PCCA: variants seen among roughly 807,000 people sequenced by gnomAD.
PCCA encodes the protein propionyl-CoA carboxylase alpha chain, mitochondrial.
In PCCA, 74 loss-of-function variants were observed where a neutral mutation model predicts 101.3. The observed-to-expected ratio is 0.73, with a 90% CI of 0.61 to 0.89. PCCA has a LOEUF of 0.89. PCCA is among the 40% of genes least tolerant of loss of function. The probability of loss-of-function intolerance (pLI) is 0.00; values close to 1 mark genes in which losing one functional copy is unlikely to be tolerated. For missense variants in PCCA, 891 were observed against 907.0 expected, an observed-to-expected ratio of 0.98 and a Z score of 0.23; for synonymous variants, 294 against 313.6, an observed-to-expected ratio of 0.94 and a Z score of 0.66.
chr13:100,142,509 C>A (rs2052005446), intron 4 of PCCA, among the ~76,000 whole-genome samples: 1 of 144,830 alleles, frequency 6.9e-6, no homozygotes. Flanking sequence ...GAGTCTTGCT[C>A]TGTCTCCCAG....
chr13:100,400,043 G>A (rs1240939699), intron 19 of PCCA, among the ~76,000 whole-genome samples: 2 of 152,202 alleles, frequency 1.3e-5, no homozygotes, highest in Admixed American at 1.3e-4. Flanking sequence ...AGTATTCATT[G>A]AATTTATGGA....
chr13:100,113,768 G>T (rs1406545845), intron 4 of PCCA, among the ~76,000 whole-genome samples: 1 of 151,654 alleles, frequency 6.6e-6, no homozygotes, highest in Admixed American at 6.6e-5. Context: ...TAGTAGAGAC[G>T]GGGTTTCACC....
chr13:100,445,227 C>A (rs892367148), intron 20 of PCCA, among the ~76,000 whole-genome samples: 4 of 152,138 alleles, frequency 2.6e-5, no homozygotes, highest in Non-Finnish European at 5.9e-5. Context: ...GGATCCTTCC[C>A]AATGATCCAC....
chr13:100,477,981 C>T (rs896182409), intron 21 of PCCA, among the ~76,000 whole-genome samples: 1 of 152,240 alleles, frequency 6.6e-6, no homozygotes, highest in African/African-American at 2.4e-5. Flanking sequence ...CTGACGGCCG[C>T]TCCAGGTTGT....
chr13:100,403,314 G>A (rs1028198619), intron 19 of PCCA, among the ~76,000 whole-genome samples: 1 of 152,226 alleles, frequency 6.6e-6, no homozygotes, highest in African/African-American at 2.4e-5. Flanking sequence ...ATTGGCATGT[G>A]TGTTAGGCCG....
At chr13:100,326,648 A>G (rs903695493) in intron 16 of PCCA, among the ~76,000 whole-genome samples, 3 of 151,900 alleles carry the variant, frequency 2.0e-5, no homozygotes, top group Non-Finnish European at 2.9e-5. Context: ...TGCCTCTGCA[A>G]CCCCTGAGAC....
chr13:100,514,101 A>G lies in PCCA; in HGVS notation c.1900-1326A>G, dbSNP rs530566838. Reference sequence around the variant, plus strand: ...CCACTTATGACTCAGATGAATTTTAATAGGAGCAAAAAGCTTTTATTTGCA... The same window carrying G: ...CCACTTATGACTCAGATGAATTTTAGTAGGAGCAAAAAGCTTTTATTTGCA... On this transcript the variant is annotated intron_variant, in intron 21 of 23. Transcript: ENST00000376285. 9.8e-4 allele frequency among the ~76,000 whole-genome samples: 150 copies of G among 152,362 alleles called. 3 individuals are homozygous for G. Among genetic ancestry groups the G allele is most frequent in the Non-Finnish European group, 5.9e-5 (4 of 68,042 alleles).
chr13:100,283,300 A>G (rs1329391216), intron 12 of PCCA, among the ~76,000 whole-genome samples: 1 of 152,194 alleles, frequency 6.6e-6, no homozygotes, highest in East Asian at 1.9e-4. Flanking sequence ...CCGGTCAGCA[A>G]CCCATCCCCA....
chr13:100,350,100 G>A (rs192911136), intron 18 of PCCA, among the ~76,000 whole-genome samples: 17 of 152,284 alleles, frequency 1.1e-4, no homozygotes, highest in Non-Finnish European at 2.4e-4. Flanking sequence ...TGAAAGATGA[G>A]TGGGGTGAGA....
intron 6 of PCCA, among the ~76,000 whole-genome samples, chr13:100,168,217 C>T (rs2055250808): frequency 1.3e-5 from 2 of 152,180 alleles, no homozygotes; most frequent in Admixed American, 1.3e-4. Flanking sequence ...TTTAAGATTG[C>T]TCCAGTCATT....
intron 6 of PCCA, among the ~76,000 whole-genome samples, chr13:100,173,294 G>C (rs779790244): frequency 1.1e-4 from 16 of 152,208 alleles, no homozygotes; most frequent in Non-Finnish European, 2.2e-4. Flanking sequence ...CAGCAACCAA[G>C]TCTTCACTTG....
intron 21 of PCCA, chr13:100,480,850 A>G (rs370683271): frequency 2.0e-5 from 3 of 152,136 alleles, no homozygotes; most frequent in East Asian, 3.9e-4. Context: ...TGAAATAGAG[A>G]ACTTGAATAT....
chr13:100,195,790 C>T (rs1390673565), intron 6 of PCCA, among the ~76,000 whole-genome samples: 2 of 152,130 alleles, frequency 1.3e-5, no homozygotes, highest in South Asian at 2.1e-4. Context: ...AATGTTATTG[C>T]ATCTACATTT....
At position 100,286,090 on chromosome 13, in the gene PCCA, G is replaced by T. The variant is rs374350888; in HGVS notation, c.1065+12744G>T. On this transcript the variant is annotated intron_variant, in intron 12 of 23. Transcript: ENST00000376285. ...CATACCCCTCTGCATGTGTGTGGGGGGGAAGCAGGCCATTAACTACGCTGC... is the reference window on the plus strand; with the variant it reads ...CATACCCCTCTGCATGTGTGTGGGGTGGAAGCAGGCCATTAACTACGCTGC... Among the ~76,000 whole-genome samples, 5 of 152,306 alleles carry T rather than the reference G, an allele frequency of 3.3e-5. No individual in the cohort carries two copies. In the East Asian group the frequency reaches 9.6e-4, roughly 29 times the overall value.
intron 12 of PCCA, among the ~76,000 whole-genome samples, chr13:100,283,016 C>T (rs535906842): frequency 8.4e-4 from 127 of 151,932 alleles, no homozygotes; most frequent in African/African-American, 2.8e-3. Context: ...TGGCCCAACC[C>T]GGGTACATGT....
intron 21 of PCCA, among the ~76,000 whole-genome samples, chr13:100,453,383 C>T (rs1434275274): frequency 6.6e-6 from 1 of 151,952 alleles, no homozygotes; most frequent in East Asian, 1.9e-4. Context: ...AGCCTGCGAT[C>T]CCAGCTACTA....
chr13:100,213,944 C>T (rs1332086724), intron 7 of PCCA, among the ~76,000 whole-genome samples: 2 of 152,176 alleles, frequency 1.3e-5, no homozygotes, highest in Non-Finnish European at 2.9e-5. Context: ...TGTTCTTCTG[C>T]ATCTGGTTAT....
Position 100,354,892 on chromosome 13 carries a change from T to C in PCCA, c.1644-13580T>C, listed in dbSNP as rs574787029. On this transcript the variant is annotated intron_variant, in intron 18 of 23. Transcript: ENST00000376285. ...AAGAACTCAGGACCAGATGACTTCA[T>C]TGGTTAAAAAAGTTAAAGGAAAATT... Among the ~76,000 whole-genome samples the C allele has an allele frequency of 1.1e-4, 16 of 152,268 alleles. No homozygotes were observed. In the South Asian group the frequency reaches 3.1e-3, roughly 30 times the overall value.
intron 12 of PCCA, among the ~76,000 whole-genome samples, chr13:100,278,928 A>G (rs1397947698): frequency 1.3e-5 from 2 of 152,236 alleles, no homozygotes; most frequent in Non-Finnish European, 2.9e-5. Flanking sequence ...TCAAATTCAC[A>G]AAGATTTTGT....
Sources: allele counts gnomAD v4.1 joint callset (sites outside exome capture counted in the v4.1 genomes callset), GRCh38; gene constraint gnomAD v4.1.1; transcripts MANE v1.5; gene names NCBI Gene and HGNC (gene_info 2026-07-23, HGNC 2026-07-21).